The following PRMT5 variants were observed in gnomAD, a reference collection of about 807,000 sequenced individuals.
PRMT5 encodes the protein protein arginine N-methyltransferase 5.
In PRMT5, 15 loss-of-function variants were observed where a neutral mutation model predicts 84.0. The ratio of observed to expected loss-of-function variants is 0.18; its 90% CI spans 0.12 to 0.28. The LOEUF (loss-of-function observed/expected upper bound fraction) is 0.28, where lower values mean the gene tolerates loss of function less well. Ranked by LOEUF, PRMT5 falls within the 10% of genes least tolerant of loss-of-function variation. PRMT5 has a pLI of 1.00. For missense variants in PRMT5, 486 were observed against 808.0 expected, an observed-to-expected ratio of 0.60 and a Z score of 4.83; for synonymous variants, 276 against 292.4, an observed-to-expected ratio of 0.94 and a Z score of 0.57.
At position 22,920,595 on chromosome 14, in the gene PRMT5, A is replaced by G; in HGVS notation, c.*309T>C. On this transcript the variant is annotated 3_prime_UTR_variant, in exon 17 of 17. Coordinates refer to ENST00000324366, the MANE Select transcript of PRMT5 (RefSeq NM_006109.5). Reference sequence around the variant, plus strand: ...CAAAACCATCAAAACAAGAACAGAAAAAGGCTGAAAATCCGTTCAAACCCC... The same window carrying G: ...CAAAACCATCAAAACAAGAACAGAAGAAGGCTGAAAATCCGTTCAAACCCC... 1.7e-6 allele frequency: 1 copy of G among 578,556 alleles called. No individual in the cohort carries two copies. The highest frequency in any genetic ancestry group is 1.5e-5 in the South Asian group (1 of 64,676). The allele number at this position is 578,556 out of a possible 1,614,324, so 35.8% of individuals were successfully genotyped here.
Position 22,927,707 on chromosome 14 carries a change from CTTTTTTTT to C in PRMT5, c.316-55_316-48del. The C allele has an allele frequency of 5.9e-6, 8 of 1,359,940 alleles. No individual in the cohort carries two copies. In the South Asian group the frequency reaches 1.1e-4, roughly 19 times the overall value. The allele number at this position is 1,359,940 out of a possible 1,614,324, so 84.2% of individuals were successfully genotyped here. On this transcript the variant is annotated intron_variant, in intron 3 of 16. Coordinates refer to ENST00000324366, the MANE Select transcript of PRMT5 (RefSeq NM_006109.5). ...AAAGTTTGAGCTAACAAGCAAACAG[CTTTTTTTT>C]TTTTTTTTTTGAGACAAAGTCTCAC...
intron 14 of PRMT5, 28 bp downstream of exon 14, chr14:22,922,714 G>T: frequency 6.3e-7 from 1 of 1,598,268 alleles, no homozygotes; most frequent in Non-Finnish European, 8.6e-7. Flanking sequence ...TACCCCTCTA[G>T]TCAGAGGACA....
rs949462207 is a variant in PRMT5, at chr14:22,928,084, G to C, written c.315+42C>G. ...GGGAGGGGACCACTCTCCCCACCCAGCTTGGTTAGAAAAATCCAGCAGAGA... is the reference window on the plus strand; with the variant it reads ...GGGAGGGGACCACTCTCCCCACCCACCTTGGTTAGAAAAATCCAGCAGAGA... On this transcript the variant is annotated intron_variant, in intron 3 of 16. Transcript: ENST00000324366. The surrounding 1 kb of genome is among the most constrained non-coding windows in gnomAD (Gnocchi z 4.8). 6.4e-7 allele frequency: 1 copy of C among 1,560,304 alleles called. No individual in the cohort carries two copies. Among genetic ancestry groups the C allele is most frequent in the Non-Finnish European group, 8.8e-7 (1 of 1,136,840 alleles).
In PRMT5 at chr14:22,928,420, G is replaced by C. The variant is rs2044474633; in HGVS notation, c.229+77C>G. On this transcript the variant is annotated intron_variant, in intron 2 of 16. Coordinates refer to ENST00000324366, the MANE Select transcript of PRMT5 (RefSeq NM_006109.5). This position sits in a 1 kb window ranked among gnomAD's most constrained non-coding sequence, Gnocchi z 4.8. ...AACAAATATATCCAAGTCAGAAAAGGAGGAGAATGAGGGCCCCGATAAAGC... is the reference window on the plus strand; with the variant it reads ...AACAAATATATCCAAGTCAGAAAAGCAGGAGAATGAGGGCCCCGATAAAGC... 2 of 1,299,716 alleles carry C rather than the reference G, an allele frequency of 1.5e-6. No individual in the cohort carries two copies. The highest frequency in any genetic ancestry group is 2.9e-5 in the African/African-American group (2 of 68,130). The allele number at this position is 1,299,716 out of a possible 1,614,324, so 80.5% of individuals were successfully genotyped here.
rs1566636055 is a variant in PRMT5, at chr14:22,927,596, T to G, written c.380A>C (p.Asn127Thr). 6.2e-7 allele frequency: 1 copy of G among 1,613,978 alleles called. No individual in the cohort carries two copies. Among genetic ancestry groups the G allele is most frequent in the East Asian group, 2.2e-5 (1 of 44,864 alleles). Residue 127 changes from asparagine (N) to threonine (T), a missense_variant, in exon 4 of 17, where the codon AAT (asparagine) becomes ACT (threonine). Physicochemically the swap from Asn to Thr is moderately conservative, Grantham distance 65. Coordinates refer to ENST00000324366, the MANE Select transcript of PRMT5 (RefSeq NM_006109.5). ...LGLPAFLLPL[N>T]QEDNTNLARV... The stretch of plus-strand genomic sequence containing the variant: ...GGCCAGGTTGGTGTTATCTTCCTGA[T>G]TAAGGGGCAGCAGGAAAGCTGGAAG...
chr14:22,921,681 G>A (rs543111927), intron 16 of PRMT5, among the ~76,000 whole-genome samples: 3 of 152,122 alleles, frequency 2.0e-5, no homozygotes, highest in African/African-American at 7.2e-5. Context: ...TCAGGAGATC[G>A]AGACCATCCT....
Position 22,924,341 on chromosome 14 carries a change from C to T in PRMT5, c.1128G>A (p.Leu376=). 6.2e-7 allele frequency: 1 copy of T among 1,614,120 alleles called. No homozygotes were observed. Residue 376 remains leucine, a synonymous_variant, in exon 11 of 17, where the codon CTG becomes CTA. Transcript: ENST00000324366. This position sits in a 1 kb window ranked among gnomAD's most constrained non-coding sequence, Gnocchi z 6.5. The part of the protein sequence containing the change: ...AGRGPLVNAS[L]RAAKQADRRI... ...GCCGGTCGGCCTGCTTGGCTGCCCG[C>T]AGGGAAGCGTTCACCAGGGGTCCCC...
rs948344912 is a variant in PRMT5 at position 22,926,511 on chromosome 14, G to A, written c.608C>T (p.Ala203Val). Residue 203 changes from alanine (A) to valine (V), a missense_variant, in exon 6 of 17, where the codon GCA (alanine) becomes GTA (valine). Around this residue, in one of 4 missense-constraint regions of PRMT5, gnomAD observed 215 missense variants for 301.1 expected, o/e 0.71. Coordinates refer to ENST00000324366, the MANE Select transcript of PRMT5 (RefSeq NM_006109.5). ...CAGGATTCTCATGGACTCACCCACTGCAATCCTCTTACTATAGTCACACAA... is the reference window on the plus strand; with the variant it reads ...CAGGATTCTCATGGACTCACCCACTACAATCCTCTTACTATAGTCACACAA... ...RTLCDYSKRI[A>V]VALEIGADLP... is the part of the protein sequence containing the mutation. 23 of 1,614,046 alleles carry A rather than the reference G, an allele frequency of 1.4e-5. No homozygotes were observed. Among genetic ancestry groups the A allele is most frequent in the African/African-American group, 4.0e-5 (3 of 74,886 alleles).
chr14:22,928,028 C>T lies in PRMT5; in HGVS notation c.315+98G>A, dbSNP rs993488214. On this transcript the variant is annotated intron_variant, in intron 3 of 16. Transcript: ENST00000324366. The surrounding 1 kb of genome is among the most constrained non-coding windows in gnomAD (Gnocchi z 4.8). ...CCAGCCTAATAGCTTTAATTTCATT[C>T]TATCAGTTAATTTACCAAGTTATTG... 9 of 1,077,970 alleles carry T rather than the reference C, an allele frequency of 8.3e-6. No individual in the cohort carries two copies. Among genetic ancestry groups the T allele is most frequent in the Middle Eastern group, 2.1e-4 (1 of 4,808 alleles). The allele number at this position is 1,077,970 out of a possible 1,614,324, so 66.8% of individuals were successfully genotyped here.
At position 22,923,896 on chromosome 14, in the gene PRMT5, C is replaced by A; in HGVS notation, c.1375+112G>T. The A allele has an allele frequency of 8.3e-7, 1 of 1,203,466 alleles. No individual in the cohort carries two copies. Among genetic ancestry groups the A allele is most frequent in the Non-Finnish European group, 1.1e-6 (1 of 874,622 alleles). The allele number at this position is 1,203,466 out of a possible 1,614,324, so 74.5% of individuals were successfully genotyped here. ...AGGCAGTGAAGCAGTGGCTCTCAAACTCATATGATGTGACCCAGGTCCAAC... is the reference window on the plus strand; with the variant it reads ...AGGCAGTGAAGCAGTGGCTCTCAAAATCATATGATGTGACCCAGGTCCAAC... On this transcript the variant is annotated intron_variant, in intron 12 of 16. Coordinates refer to ENST00000324366, the MANE Select transcript of PRMT5 (RefSeq NM_006109.5). This position sits in a 1 kb window ranked among gnomAD's most constrained non-coding sequence, Gnocchi z 5.2.
chr14:22,927,453 CTA>C, intron 4 of PRMT5, 71 bp downstream of exon 4: 2 of 1,582,516 alleles, frequency 1.3e-6, no homozygotes. Context: ...CACTGAATGG[CTA>C]GGCACAAGAA....
intron 7 of PRMT5, among the ~76,000 whole-genome samples, chr14:22,925,789 C>T (rs894878984): frequency 4.0e-5 from 6 of 151,416 alleles, no homozygotes; most frequent in Admixed American, 2.6e-4. Flanking sequence ...GGCTGCACTC[C>T]AGTCTGGGTA....
At position 22,923,284 on chromosome 14, in the gene PRMT5, G is replaced by T. The variant is rs1421433662; in HGVS notation, c.1376-124C>A. On this transcript the variant is annotated intron_variant, in intron 12 of 16. Transcript: ENST00000324366. This position sits in a 1 kb window ranked among gnomAD's most constrained non-coding sequence, Gnocchi z 5.2. ...AACCAACGTTGGCATGGGCATGGAA[G>T]AAAGAGACAAATGCATGTTGTCACA... 25 of 650,594 alleles carry T rather than the reference G, an allele frequency of 3.8e-5. No homozygotes were observed. The East Asian group carries it at 6.8e-4, about 18-fold the overall frequency. The allele number at this position is 650,594 out of a possible 1,614,324, so 40.3% of individuals were successfully genotyped here. A position where few individuals can be genotyped will look rare whatever the true frequency, so the allele number is the denominator to read the frequency against.
rs749145542 is a variant in PRMT5, at chr14:22,921,008, G to A, written c.1810C>T (p.Arg604Ter). The A allele has an allele frequency of 1.9e-6, 3 of 1,614,066 alleles. No homozygotes were observed. The highest frequency in any genetic ancestry group is 2.5e-6 in the Non-Finnish European group (3 of 1,180,052). ...CACACCTTCTTGGAATTGCTGCATC[G>A]CCAGAAACGCACACAGATGGTTTGG... ...EGQTICVRFW[R>*]CSNSKKVWYE... Residue 604 changes from arginine (R) to a stop codon, truncating the protein, a stop_gained, in exon 17 of 17, where the codon CGA becomes TGA. Coordinates refer to ENST00000324366, the MANE Select transcript of PRMT5 (RefSeq NM_006109.5). LOFTEE classifies it high-confidence loss of function.
chr14:22,926,684 C>T lies in PRMT5; in HGVS notation c.563+18G>A. The T allele has an allele frequency of 6.2e-7, 1 of 1,607,602 alleles. No individual in the cohort carries two copies. The highest frequency in any genetic ancestry group is 8.5e-7 in the Non-Finnish European group (1 of 1,174,044). ...CCCTATCCCTTGCACCCTGGTACAG[C>T]AGCAAAGGGAGACATACCACATCCA... On this transcript the variant is annotated intron_variant, in intron 5 of 16. Coordinates refer to ENST00000324366, the MANE Select transcript of PRMT5 (RefSeq NM_006109.5).
Position 22,924,820 on chromosome 14 carries a change from A to G in PRMT5, c.939+59T>C, listed in dbSNP as rs894609518. The G allele has an allele frequency of 2.0e-5, 32 of 1,598,546 alleles. No homozygotes were observed. The highest frequency in any genetic ancestry group is 3.4e-4 in the Middle Eastern group (2 of 5,872). ...GAGTTTTAGTAAGATTTGGAGGCAT[A>G]TATTCTCAAGAAACATTTTCCATCC... On this transcript the variant is annotated intron_variant, in intron 8 of 16. Transcript: ENST00000324366. The surrounding 1 kb of genome is among the most constrained non-coding windows in gnomAD (Gnocchi z 6.5).
At chr14:22,925,143 A>T (rs1267204818) in intron 7 of PRMT5, 103 bp from the exon 8 acceptor site, 11 of 1,240,608 alleles carry the variant, frequency 8.9e-6, no homozygotes, top group Middle Eastern at 4.5e-4. Context: ...GCCCAGATCA[A>T]CAGTTCTCTT....
chr14:22,926,645 T>C (rs1375600701), intron 5 of PRMT5, 57 bp downstream of exon 5: 1 of 1,601,930 alleles, frequency 6.2e-7, no homozygotes, highest in Non-Finnish European at 8.6e-7. Flanking sequence ...GGTTGCACCC[T>C]GTACTTCCCC....
At chr14:22,922,892 C>G in intron 13 of PRMT5, 57 bp from the exon 14 acceptor site, 2 of 1,546,582 alleles carry the variant, frequency 1.3e-6, no homozygotes, top group Non-Finnish European at 1.8e-6. Flanking sequence ...GAGAGAACTA[C>G]TTCCCCAAGG....
Sources: allele counts gnomAD v4.1 joint callset (sites outside exome capture counted in the v4.1 genomes callset), GRCh38; gene constraint gnomAD v4.1.1; regional missense constraint gnomAD v4.1.1; non-coding constraint Gnocchi (gnomAD v3.1); transcripts MANE v1.5; gene names NCBI Gene and HGNC (gene_info 2026-07-23, HGNC 2026-07-21).